ARB2A: variants seen among roughly 807,000 people sequenced by gnomAD.
ARB2A encodes cotranscriptional regulator ARB2A.
chr5:93,699,064 C>G, the ARB2A span, among the ~76,000 whole-genome samples: 3 of 152,174 alleles, frequency 2.0e-5, no homozygotes, highest in Non-Finnish European at 4.4e-5. Context: ...ACAACATCCT[C>G]ACAACATCCT....
At chr5:93,867,499 C>T in the ARB2A span, among the ~76,000 whole-genome samples, 1 of 152,102 alleles carries the variant, frequency 6.6e-6, no homozygotes, top group Non-Finnish European at 1.5e-5. Flanking sequence ...CTCACTACAA[C>T]CTCCGCCTCC....
At chr5:93,903,185 G>C in the ARB2A span, among the ~76,000 whole-genome samples, 2 of 152,174 alleles carry the variant, frequency 1.3e-5, no homozygotes, top group African/African-American at 4.8e-5. Flanking sequence ...TTGGACATTT[G>C]AGTAATTTCC....
chr5:93,948,026 C>T, the ARB2A span, among the ~76,000 whole-genome samples: 42 of 152,078 alleles, frequency 2.8e-4, no homozygotes, highest in Admixed American at 9.2e-4. Flanking sequence ...GGGTATATAC[C>T]CAGTAATGGG....
chr5:93,766,975 T>C, the ARB2A span, among the ~76,000 whole-genome samples: 2 of 135,326 alleles, frequency 1.5e-5, no homozygotes, highest in African/African-American at 5.7e-5. Flanking sequence ...CACTCATAGG[T>C]GGGCATTGAA....
chr5:93,849,480 C>T, the ARB2A span, among the ~76,000 whole-genome samples: 8 of 152,096 alleles, frequency 5.3e-5, no homozygotes, highest in South Asian at 2.1e-4. Context: ...CACACACACA[C>T]GCAGGATACA....
the ARB2A span, among the ~76,000 whole-genome samples, chr5:93,997,588 T>G: frequency 6.6e-6 from 1 of 152,006 alleles, no homozygotes; most frequent in African/African-American, 2.4e-5. Flanking sequence ...TTTCACAAAC[T>G]GGTCTTCCCT....
chr5:93,719,684 T>A, the ARB2A span, among the ~76,000 whole-genome samples: 2 of 152,190 alleles, frequency 1.3e-5, no homozygotes, highest in Non-Finnish European at 1.5e-5. Context: ...CTCTTATGCT[T>A]ACAAGCTGCT....
chr5:94,086,881 T>C, the ARB2A span, among the ~76,000 whole-genome samples: 1 of 152,162 alleles, frequency 6.6e-6, no homozygotes, highest in South Asian at 2.1e-4. Context: ...ACACAATACT[T>C]TTCACGTAAA....
chr5:93,935,027 G>C, the ARB2A span, among the ~76,000 whole-genome samples: 1 of 152,132 alleles, frequency 6.6e-6, no homozygotes, highest in African/African-American at 2.4e-5. Flanking sequence ...GCTAAGCTAG[G>C]AGGACGCAAA....
At chr5:94,110,136 C>T in the ARB2A span, among the ~76,000 whole-genome samples, 3 of 152,114 alleles carry the variant, frequency 2.0e-5, no homozygotes, top group Non-Finnish European at 2.9e-5. Context: ...CCGTCCGCCT[C>T]GGCCTCCCAA....
chr5:93,911,438 C>T, the ARB2A span, among the ~76,000 whole-genome samples: 1 of 151,452 alleles, frequency 6.6e-6, no homozygotes, highest in Non-Finnish European at 1.5e-5. Context: ...AGAAACTTAA[C>T]AACTAGAAAA....
At chr5:93,639,097 T>C in the ARB2A span, among the ~76,000 whole-genome samples, 1 of 152,142 alleles carries the variant, frequency 6.6e-6, no homozygotes, top group East Asian at 1.9e-4. Flanking sequence ...TCACATAAAG[T>C]CAATTATTAT....
chr5:93,905,588 T>C, the ARB2A span, among the ~76,000 whole-genome samples: 4 of 151,638 alleles, frequency 2.6e-5, no homozygotes, highest in Non-Finnish European at 5.9e-5. Flanking sequence ...ATAAGAGTCA[T>C]TAAACAAATA....
the ARB2A span, among the ~76,000 whole-genome samples, chr5:93,845,154 C>G: frequency 2.0e-5 from 3 of 152,312 alleles, no homozygotes; most frequent in East Asian, 5.8e-4. Context: ...CTTTGGGAAT[C>G]TTAAGTCAGA....
At chr5:93,682,538 G>T in the ARB2A span, among the ~76,000 whole-genome samples, 1 of 149,478 alleles carries the variant, frequency 6.7e-6, no homozygotes. Flanking sequence ...AAAATACTGA[G>T]TTTTATTTCA....
chr5:93,919,498 A>G, the ARB2A span, among the ~76,000 whole-genome samples: 4 of 152,184 alleles, frequency 2.6e-5, no homozygotes, highest in African/African-American at 9.6e-5. Context: ...TACATAGACC[A>G]TGAAGGGAAT....
the ARB2A span, among the ~76,000 whole-genome samples, chr5:93,919,596 A>G: frequency 3.3e-5 from 5 of 152,186 alleles, no homozygotes; most frequent in African/African-American, 1.2e-4. Flanking sequence ...AATGGTCGTT[A>G]GCTTTGTAAG....
At chr5:94,061,076 A>G in the ARB2A span, among the ~76,000 whole-genome samples, 1 of 152,114 alleles carries the variant, frequency 6.6e-6, no homozygotes, top group African/African-American at 2.4e-5. Context: ...GTCTCTACTA[A>G]AAATACAAAA....
the ARB2A span, among the ~76,000 whole-genome samples, chr5:94,030,684 A>C: frequency 1.9e-4 from 29 of 152,334 alleles, no homozygotes; most frequent in East Asian, 5.4e-3. Context: ...ACTCATGTTG[A>C]AATTTAATTG....
Sources: gnomAD v4.1 joint callset for allele counts (sites outside exome capture counted in the v4.1 genomes callset) on GRCh38, gnomAD v4.1.1 for gene constraint, MANE v1.5 for transcripts, NCBI Gene and HGNC (gene_info 2026-07-23, HGNC 2026-07-21) for gene names.